The following ERC2 variants were observed in gnomAD, a reference collection of about 807,000 sequenced individuals.
ERC2 encodes ELKS/RAB6-interacting/CAST family member 2.
ERC2 carries 42 observed loss-of-function variants against 114.8 expected under a neutral mutation model. The ratio of observed to expected loss-of-function variants is 0.37; its 90% CI spans 0.29 to 0.47. ERC2 has a LOEUF of 0.47. Ranked by LOEUF, ERC2 falls within the 20% of genes least tolerant of loss-of-function variation. The probability of loss-of-function intolerance (pLI) is 0.99; values close to 1 mark genes in which losing one functional copy is unlikely to be tolerated. For missense variants in ERC2, 939 were observed against 1,150.7 expected (o/e 0.82, Z 2.66); for synonymous variants, 454 against 425.5 (o/e 1.07, Z -0.82).
At chr3:56,135,648 T>C (rs2080463303) in intron 6 of ERC2, among the ~76,000 whole-genome samples, 2 of 152,192 alleles carry the variant, frequency 1.3e-5, no homozygotes, top group South Asian at 4.1e-4. Flanking sequence ...CTCAGAGAAG[T>C]TCAAGTCTTG....
chr3:56,159,019 T>C (rs545596007), intron 4 of ERC2, among the ~76,000 whole-genome samples: 35 of 152,320 alleles, frequency 2.3e-4, no homozygotes, highest in African/African-American at 7.9e-4. Context: ...TAGCACCATA[T>C]GCTGGATGCT....
At chr3:55,856,927 T>A (rs1468395838) in intron 14 of ERC2, among the ~76,000 whole-genome samples, 1 of 152,158 alleles carries the variant, frequency 6.6e-6, no homozygotes, top group African/African-American at 2.4e-5. Flanking sequence ...AGGCCACATA[T>A]TGTATGATTC....
chr3:55,916,956 G>T lies in ERC2; in HGVS notation c.2404-28407C>A, dbSNP rs75021495. 1.2e-3 allele frequency among the ~76,000 whole-genome samples: 187 copies of T among 152,064 alleles called. 3 individuals are homozygous for T. In the East Asian group the frequency reaches 0.017, roughly 14 times the overall value. ...GTTTAATTAATCAAAAGTACTAGGG[G>T]TTTTTTTGCACTAAAGTGCAAAGCC... On this transcript the variant is annotated intron_variant, in intron 13 of 17. Coordinates refer to ENST00000288221, the MANE Select transcript of ERC2 (RefSeq NM_015576.3).
intron 17 of ERC2, among the ~76,000 whole-genome samples, chr3:55,572,176 G>C (rs868462855): frequency 6.6e-6 from 1 of 152,220 alleles, no homozygotes; most frequent in African/African-American, 2.4e-5. Context: ...AGCGGCCAGG[G>C]AGCGTCGCCT....
At chr3:55,818,539 C>T (rs563425769) in intron 14 of ERC2, among the ~76,000 whole-genome samples, 1 of 152,310 alleles carries the variant, frequency 6.6e-6, no homozygotes, top group East Asian at 1.9e-4. Flanking sequence ...AACACAGAAG[C>T]TGACCTTCTG....
intron 17 of ERC2, among the ~76,000 whole-genome samples, chr3:55,669,163 C>T (rs1215159554): frequency 1.3e-5 from 2 of 152,192 alleles, no homozygotes; most frequent in East Asian, 3.8e-4. Context: ...CCTAAAATTT[C>T]CCAACAAGAT....
intron 17 of ERC2, among the ~76,000 whole-genome samples, chr3:55,513,084 G>T (rs1316722565): frequency 6.6e-6 from 1 of 152,168 alleles, no homozygotes; most frequent in African/African-American, 2.4e-5. Flanking sequence ...CAGTCACAGC[G>T]GCCCTTACCC....
At chr3:56,248,561 C>A (rs2150225408) in intron 3 of ERC2, among the ~76,000 whole-genome samples, 1 of 152,352 alleles carries the variant, frequency 6.6e-6, no homozygotes, top group South Asian at 2.1e-4. Flanking sequence ...AATCCTTGAG[C>A]TCCCTACTCT....
At chr3:55,535,783 C>T (rs1205118974) in intron 17 of ERC2, among the ~76,000 whole-genome samples, 1 of 152,200 alleles carries the variant, frequency 6.6e-6, no homozygotes, top group Non-Finnish European at 1.5e-5. Flanking sequence ...CACCTGAAGT[C>T]AGGAGTTTAA....
chr3:55,728,566 G>A (rs2148903981), intron 15 of ERC2, among the ~76,000 whole-genome samples: 1 of 152,318 alleles, frequency 6.6e-6, no homozygotes, highest in African/African-American at 2.4e-5. Context: ...CCCTAGAGGA[G>A]CCTGGGAAGG....
Position 55,997,922 on chromosome 3 carries a change from G to GTGTGTT in ERC2, c.2062-5673_2062-5672insAACACA, listed in dbSNP as rs1197491005. Among the ~76,000 whole-genome samples the GTGTGTT allele has an allele frequency of 6.1e-3, 218 of 35,924 alleles. 13 individuals are homozygous for GTGTGTT. Among genetic ancestry groups the GTGTGTT allele is most frequent in the East Asian group, 0.03 (30 of 1,006 alleles). The allele number at this position is 35,924 out of a possible 152,430, so 23.6% of individuals were successfully genotyped here. On this transcript the variant is annotated intron_variant, in intron 10 of 17. Coordinates refer to ENST00000288221, the MANE Select transcript of ERC2 (RefSeq NM_015576.3). ...TTTTTTTTTTTGTGTGTGTGTGTGT[G>GTGTGTT]TTTTTTGTTTTTTTTTTTTTTTTGG...
chr3:56,464,050 A>C (rs1210988893), intron 1 of ERC2, among the ~76,000 whole-genome samples: 1 of 152,224 alleles, frequency 6.6e-6, no homozygotes, highest in African/African-American at 2.4e-5. Flanking sequence ...GCAGAAGTTA[A>C]GGACCAGGTT....
At chr3:56,084,596 C>A (rs746299000) in intron 6 of ERC2, among the ~76,000 whole-genome samples, 1 of 152,062 alleles carries the variant, frequency 6.6e-6, no homozygotes, top group South Asian at 2.1e-4. Flanking sequence ...AGTGAAGTAA[C>A]TCAGGAATGG....
At chr3:55,872,936 C>T (rs1288397510) in intron 14 of ERC2, among the ~76,000 whole-genome samples, 2 of 152,138 alleles carry the variant, frequency 1.3e-5, no homozygotes, top group Non-Finnish European at 2.9e-5. Flanking sequence ...GGTGATTTTG[C>T]CCTCTAGAAA....
At chr3:56,378,305 G>C in intron 2 of ERC2, among the ~76,000 whole-genome samples, 1 of 147,666 alleles carries the variant, frequency 6.8e-6, no homozygotes, top group African/African-American at 2.5e-5. Flanking sequence ...ATCATTCTCA[G>C]TAAACTATTG....
chr3:56,058,864 T>C (rs1386062783), intron 7 of ERC2, among the ~76,000 whole-genome samples: 1 of 152,116 alleles, frequency 6.6e-6, no homozygotes, highest in Admixed American at 6.5e-5. Flanking sequence ...TTTTCTTTCT[T>C]TCTTTCTTTA....
intron 17 of ERC2, among the ~76,000 whole-genome samples, chr3:55,536,973 A>G (rs996713245): frequency 3.3e-5 from 5 of 152,372 alleles, no homozygotes; most frequent in African/African-American, 1.2e-4. Context: ...AAAAAATTCA[A>G]TGCTGACAGA....
rs9848245 is a variant in ERC2 at position 55,815,638 on chromosome 3, C to T, written c.2564+72751G>A. Among the ~76,000 whole-genome samples, 871 of 152,294 alleles carry T rather than the reference C, an allele frequency of 5.7e-3. 10 individuals are homozygous for T. Among genetic ancestry groups the T allele is most frequent in the African/African-American group, 0.02 (829 of 41,552 alleles). ...CTGAGCAGAGAATCTAGCTAGAATT[C>T]TAACCTACAGAAACTGAGATAATAA... On this transcript the variant is annotated intron_variant, in intron 14 of 17. Coordinates refer to ENST00000288221, the MANE Select transcript of ERC2 (RefSeq NM_015576.3).
chr3:56,218,155 A>G (rs1433778164), intron 3 of ERC2, among the ~76,000 whole-genome samples: 1 of 152,164 alleles, frequency 6.6e-6, no homozygotes, highest in Admixed American at 6.5e-5. Context: ...TAATTAAACT[A>G]AAGAGCTTCT....
Sources: gnomAD v4.1 joint callset for allele counts (sites outside exome capture counted in the v4.1 genomes callset) on GRCh38, gnomAD v4.1.1 for gene constraint, MANE v1.5 for transcripts, NCBI Gene and HGNC (gene_info 2026-07-23, HGNC 2026-07-21) for gene names.